TPO: variants seen among roughly 807,000 people sequenced by gnomAD.
TPO encodes the protein thyroid peroxidase.
In TPO, 78 loss-of-function variants were observed where a neutral mutation model predicts 96.9. That is an observed-to-expected ratio of 0.81 (90% CI 0.67 to 0.97). The LOEUF (loss-of-function observed/expected upper bound fraction) is 0.97. Ranked by LOEUF, TPO falls within the 50% of genes least tolerant of loss-of-function variation. The probability of loss-of-function intolerance (pLI) is 0.00; values close to 1 mark genes in which losing one functional copy is unlikely to be tolerated. For synonymous variants in TPO, 547 were observed against 538.0 expected (o/e 1.02, Z -0.23); for missense variants, 1,252 against 1,274.8 (o/e 0.98, Z 0.27).
At chr2:1,521,723 C>A (rs1314870664) in intron 15 of TPO, among the ~76,000 whole-genome samples, 2 of 152,052 alleles carry the variant, frequency 1.3e-5, no homozygotes, top group East Asian at 3.9e-4. Flanking sequence ...GTAGTGGAAT[C>A]CTTCAGAGTC....
At chr2:1,486,902 C>T (rs1671220022) in intron 9 of TPO, among the ~76,000 whole-genome samples, 1 of 152,156 alleles carries the variant, frequency 6.6e-6, no homozygotes, top group African/African-American at 2.4e-5. Flanking sequence ...CCAGCCTGGC[C>T]CTCAGCAGGT....
At chr2:1,416,049 C>T (rs1381149040) in intron 2 of TPO, among the ~76,000 whole-genome samples, 4 of 152,202 alleles carry the variant, frequency 2.6e-5, no homozygotes, top group Admixed American at 1.3e-4. Context: ...CTACTCACCC[C>T]TAATTCCTGT....
intron 1 of TPO, 117 bp from the exon 2 acceptor site, chr2:1,414,291 G>A (rs950177683): frequency 1.1e-4 from 106 of 988,932 alleles, no homozygotes; most frequent in Non-Finnish European, 1.5e-4. Context: ...GCTCACTGCG[G>A]TAGAGGCTGC....
At chr2:1,405,536 A>G (rs1192732369) in intron 1 of TPO, among the ~76,000 whole-genome samples, 6 of 149,994 alleles carry the variant, frequency 4.0e-5, no homozygotes, top group Non-Finnish European at 7.4e-5. Context: ...CCGCCCATCC[A>G]TCCATAATCA....
chr2:1,482,363 T>C (rs1441968280), intron 8 of TPO, among the ~76,000 whole-genome samples: 1 of 152,134 alleles, frequency 6.6e-6, no homozygotes, highest in Non-Finnish European at 1.5e-5. Context: ...CAGCACCTGG[T>C]GGCTTTGGCA....
At chr2:1,515,326 C>T (rs946464833) in intron 14 of TPO, among the ~76,000 whole-genome samples, 8 of 152,328 alleles carry the variant, frequency 5.3e-5, no homozygotes, top group African/African-American at 1.9e-4. Flanking sequence ...CTCTGCTCCC[C>T]ATGGGCTTTT....
intron 7 of TPO, among the ~76,000 whole-genome samples, chr2:1,460,926 G>C (rs1461807088): frequency 1.3e-5 from 2 of 152,232 alleles, no homozygotes; most frequent in African/African-American, 4.8e-5. Context: ...CACCTTTGGG[G>C]ATCTCCTGGA....
At chr2:1,464,757 T>C (rs1668747335) in intron 7 of TPO, among the ~76,000 whole-genome samples, 1 of 152,198 alleles carries the variant, frequency 6.6e-6, no homozygotes. Flanking sequence ...GTTTGGTTTT[T>C]CTTACTGATT....
At chr2:1,521,658 G>T (rs1675280683) in intron 15 of TPO, among the ~76,000 whole-genome samples, 1 of 152,098 alleles carries the variant, frequency 6.6e-6, no homozygotes, top group Non-Finnish European at 1.5e-5. Context: ...TTTGCTGGGG[G>T]ACAGACGTAG....
intron 1 of TPO, among the ~76,000 whole-genome samples, chr2:1,395,749 ATAGTGTGTTC>A (rs1662069556): frequency 6.6e-6 from 1 of 150,708 alleles, no homozygotes; most frequent in South Asian, 2.1e-4. Flanking sequence ...TGTTCTAGTG[ATAGTGTGTTC>A]TAGTGATAGT....
intron 5 of TPO, among the ~76,000 whole-genome samples, chr2:1,450,539 G>C (rs1667214783): frequency 6.6e-6 from 1 of 152,144 alleles, no homozygotes; most frequent in African/African-American, 2.4e-5. Flanking sequence ...TCTAAGAAAG[G>C]AACAGTGTGG....
intron 15 of TPO, among the ~76,000 whole-genome samples, chr2:1,523,149 CCCAAAATCCCCCACACTG>C (rs1675554832): frequency 6.7e-6 from 1 of 148,406 alleles, no homozygotes; most frequent in African/African-American, 2.5e-5. Context: ...TGTGCATCCT[CCCAAAATCCCCCACACTG>C]TGTGCAACCT....
intron 7 of TPO, among the ~76,000 whole-genome samples, chr2:1,464,570 C>A (rs1044514522): frequency 6.6e-6 from 1 of 152,166 alleles, no homozygotes; most frequent in Admixed American, 6.5e-5. Context: ...ATCTATTATT[C>A]GTTGATTTTT....
chr2:1,491,278 A>G (rs949282713), intron 10 of TPO, among the ~76,000 whole-genome samples: 1 of 152,176 alleles, frequency 6.6e-6, no homozygotes, highest in African/African-American at 2.4e-5. Flanking sequence ...CGGCCTCTGA[A>G]GCTGTGATGA....
chr2:1,504,716 A>G (rs1673229756), intron 14 of TPO, among the ~76,000 whole-genome samples: 1 of 152,218 alleles, frequency 6.6e-6, no homozygotes, highest in Non-Finnish European at 1.5e-5. Context: ...CACTATCTTT[A>G]ATCTTCATTT....
At chr2:1,380,593 C>T (rs1332540802) in intron 1 of TPO, among the ~76,000 whole-genome samples, 1 of 152,112 alleles carries the variant, frequency 6.6e-6, no homozygotes, top group African/African-American at 2.4e-5. Context: ...TCCAGTTTTA[C>T]ACTCCCCAGT....
In TPO at chr2:1,462,214, G is replaced by C. The variant is rs533154748; in HGVS notation, c.819+5932G>C. On this transcript the variant is annotated intron_variant, in intron 7 of 16. Coordinates refer to ENST00000329066, the MANE Select transcript of TPO (RefSeq NM_001206744.2). ...AGAGAGGCTGGGGCAGGTGCTGCGG[G>C]CAGCAGGCGGGGAGGGGCTGGACCA... Among the ~76,000 whole-genome samples, 15 of 152,210 alleles carry C rather than the reference G, an allele frequency of 9.9e-5. No homozygotes were observed. The East Asian group carries it at 2.9e-3, about 30-fold the overall frequency.
intron 13 of TPO, among the ~76,000 whole-genome samples, chr2:1,498,971 TC>T (rs3834179): frequency 0.041 from 6,268 of 152,274 alleles, 176 homozygotes; most frequent in East Asian, 0.11. Flanking sequence ...TGTTGCGTGT[TC>T]TACGTTAACA....
chr2:1,423,341 C>A (rs1446486619), intron 3 of TPO, among the ~76,000 whole-genome samples: 1 of 152,170 alleles, frequency 6.6e-6, no homozygotes, highest in Non-Finnish European at 1.5e-5. Flanking sequence ...AGGAGGAGCA[C>A]CCTGATGCAA....
Sources: gnomAD v4.1 joint callset for allele counts (sites outside exome capture counted in the v4.1 genomes callset) on GRCh38, gnomAD v4.1.1 for gene constraint, MANE v1.5 for transcripts, NCBI Gene and HGNC (gene_info 2026-07-23, HGNC 2026-07-21) for gene names.